UNC79: variants seen among roughly 807,000 people sequenced by gnomAD.
UNC79 encodes the protein unc-79 subunit of NALCN channel complex.
In UNC79, 37 loss-of-function variants were observed where a neutral mutation model predicts 283.1. That is an observed-to-expected ratio of 0.13 (90% CI 0.10 to 0.17). The LOEUF (loss-of-function observed/expected upper bound fraction) is 0.17. Among genes scored for constraint, UNC79 ranks in the 10% least tolerant of loss-of-function variants. The pLI is 1.00. For missense variants in UNC79, 2,272 were observed against 3,211.1 expected (o/e 0.71, Z 7.07); for synonymous variants, 1,107 against 1,200.2 (o/e 0.92, Z 1.61).
At chr14:93,372,653 G>T (rs1309028996) in intron 1 of UNC79, among the ~76,000 whole-genome samples, 1 of 152,122 alleles carries the variant, frequency 6.6e-6, no homozygotes, top group Non-Finnish European at 1.5e-5. Context: ...AACAACAAAG[G>T]ATCAAAATAC....
intron 37 of UNC79, among the ~76,000 whole-genome samples, chr14:93,654,862 C>T (rs1253296013): frequency 1.3e-5 from 2 of 152,116 alleles, no homozygotes; most frequent in African/African-American, 4.8e-5. Flanking sequence ...TTGGGGTTTG[C>T]TTGCGGGAGA....
At chr14:93,579,699 G>A (rs545072009) in intron 18 of UNC79, among the ~76,000 whole-genome samples, 3 of 152,276 alleles carry the variant, frequency 2.0e-5, no homozygotes, top group African/African-American at 4.8e-5. Flanking sequence ...GGTGTGACAA[G>A]ATGTTCCAGG....
At chr14:93,483,599 T>A (rs1426574108) in intron 4 of UNC79, among the ~76,000 whole-genome samples, 1 of 151,788 alleles carries the variant, frequency 6.6e-6, no homozygotes, top group Admixed American at 6.6e-5. Flanking sequence ...TGTATACATG[T>A]GCCATGTTGG....
chr14:93,619,896 G>A (rs1793440096), intron 29 of UNC79, among the ~76,000 whole-genome samples: 1 of 152,206 alleles, frequency 6.6e-6, no homozygotes, highest in African/African-American at 2.4e-5. Context: ...GCTATTAAAT[G>A]CATTTTAGTA....
In UNC79 at chr14:93,636,996, G is replaced by A. The variant is rs117378204; in HGVS notation, c.5717-220G>A. The stretch of plus-strand genomic sequence containing the variant: ...ACTTTTTGGGATAGTTTTAGATGCT[G>A]TCCTGCTTTTAGTTGCATTTCATAG... On this transcript the variant is annotated intron_variant, in intron 31 of 48. Coordinates refer to ENST00000555664, the Ensembl canonical transcript of UNC79. 5.9e-5 allele frequency among the ~76,000 whole-genome samples: 9 copies of A among 152,226 alleles called. No homozygotes were observed. The East Asian group carries it at 9.6e-4, about 16-fold the overall frequency.
chr14:93,415,420 C>A (rs2140057965), intron 1 of UNC79, among the ~76,000 whole-genome samples: 1 of 152,288 alleles, frequency 6.6e-6, no homozygotes, highest in South Asian at 2.1e-4. Context: ...ATTCAGTTTG[C>A]CAGTATTTTA....
intron 1 of UNC79, among the ~76,000 whole-genome samples, chr14:93,414,307 T>C (rs2055403803): frequency 6.6e-6 from 1 of 152,220 alleles, no homozygotes; most frequent in Non-Finnish European, 1.5e-5. Flanking sequence ...TTCTTGTTTT[T>C]CTCAGGTTTG....
At chr14:93,564,179 G>A (rs2062737333) in intron 14 of UNC79, among the ~76,000 whole-genome samples, 1 of 152,156 alleles carries the variant, frequency 6.6e-6, no homozygotes, top group South Asian at 2.1e-4. Flanking sequence ...AGCTAGGGTG[G>A]GAGCAGTCTC....
chr14:93,489,583 C>T (rs1318185274), intron 5 of UNC79, among the ~76,000 whole-genome samples: 1 of 152,250 alleles, frequency 6.6e-6, no homozygotes, highest in Non-Finnish European at 1.5e-5. Context: ...TAAAACCCAA[C>T]TACATTATAC....
chr14:93,579,654 A>G (rs1159919224), intron 18 of UNC79, among the ~76,000 whole-genome samples: 1 of 152,200 alleles, frequency 6.6e-6, no homozygotes, highest in Non-Finnish European at 1.5e-5. Flanking sequence ...CTTTTGGCAC[A>G]TCCACATCAT....
intron 40 of UNC79, among the ~76,000 whole-genome samples, chr14:93,666,443 C>G (rs954553591): frequency 2.0e-5 from 3 of 151,942 alleles, no homozygotes; most frequent in African/African-American, 4.8e-5. Context: ...AAAAGATATA[C>G]CAGACTAATA....
At chr14:93,631,972 A>G (rs1419762712) in intron 31 of UNC79, among the ~76,000 whole-genome samples, 2 of 152,244 alleles carry the variant, frequency 1.3e-5, no homozygotes, top group Non-Finnish European at 2.9e-5. Flanking sequence ...TGGCTCACAC[A>G]CATTGTTATC....
chr14:93,540,391 T>C (rs1002979542), intron 12 of UNC79, among the ~76,000 whole-genome samples: 4 of 152,192 alleles, frequency 2.6e-5, no homozygotes, highest in South Asian at 2.1e-4. Context: ...TTCTGCTTGA[T>C]GCTAATTGAT....
chr14:93,404,493 A>AAAAAAAATATATATATAT lies in UNC79; in HGVS notation c.-350-63177_-350-63176insAAAAAATATATATATATA. 5.7e-4 allele frequency among the ~76,000 whole-genome samples: 35 copies of AAAAAAAATATATATATAT among 61,498 alleles called. 1 individual carries two copies. The highest frequency in any genetic ancestry group is 8.3e-4 in the East Asian group (3 of 3,604). The allele number at this position is 61,498 out of a possible 152,430, so 40.3% of individuals were successfully genotyped here. On this transcript the variant is annotated intron_variant, in intron 1 of 49. Coordinates refer to the UNC79 transcript ENST00000256339. Reference sequence around the variant, plus strand: ...TGACAGAGTGAGACCTTCTAAAAAAAATATATATATATATATATATAAATA... The same window carrying AAAAAAAATATATATATAT: ...TGACAGAGTGAGACCTTCTAAAAAAAAAAAAAATATATATATATATATATATATATATATATATAAATA...
chr14:93,536,782 C>CCTTTTTTT (rs1567069571), intron 11 of UNC79, among the ~76,000 whole-genome samples: 4 of 82,438 alleles, frequency 4.9e-5, no homozygotes, highest in Non-Finnish European at 7.1e-5. Context: ...CCACCCCCGG[C>CCTTTTTTT]TTTTTTTTTT....
At chr14:93,624,866 C>G (rs992451372) in intron 30 of UNC79, among the ~76,000 whole-genome samples, 1 of 152,086 alleles carries the variant, frequency 6.6e-6, no homozygotes, top group Admixed American at 6.5e-5. Context: ...ACACTTGCCC[C>G]TCCAAACCCT....
chr14:93,459,433 C>A (rs541378230), intron 1 of UNC79, among the ~76,000 whole-genome samples: 46 of 152,250 alleles, frequency 3.0e-4, no homozygotes, highest in African/African-American at 1.1e-3. Flanking sequence ...CTGCTTACTG[C>A]AGTTTTACTT....
chr14:93,356,121 G>A lies in UNC79; in HGVS notation c.-351+22598G>A, dbSNP rs372808505. On this transcript the variant is annotated intron_variant, in intron 1 of 49. Coordinates refer to the UNC79 transcript ENST00000256339. ...AGGCTCACTGCAACCTCCGCCTCCC[G>A]GGTTCAAGCAATTCTCCTGCCTTAG... 7.3e-5 allele frequency among the ~76,000 whole-genome samples: 11 copies of A among 151,014 alleles called. No individual in the cohort carries two copies. The East Asian group carries it at 1.6e-3, about 21-fold the overall frequency.
In UNC79 at chr14:93,619,368, G is replaced by A. The variant is rs916421188; in HGVS notation, c.4387+1014G>A. 2.0e-5 allele frequency among the ~76,000 whole-genome samples: 3 copies of A among 152,314 alleles called. No individual in the cohort carries two copies. In the South Asian group the frequency reaches 6.2e-4, roughly 32 times the overall value. ...AACCCTGATGAACCTTTCTGGATGG[G>A]AGGCGCCATCTTGTGGTCTTTCAGT... On this transcript the variant is annotated intron_variant, in intron 29 of 48. Transcript: ENST00000555664.
Sources: allele counts gnomAD v4.1 joint callset (sites outside exome capture counted in the v4.1 genomes callset), GRCh38; gene constraint gnomAD v4.1.1; transcripts MANE v1.5; gene names NCBI Gene and HGNC (gene_info 2026-07-23, HGNC 2026-07-21).